THRB: variants seen among roughly 807,000 people sequenced by gnomAD.
The protein encoded by THRB is nuclear receptor subfamily 1 group A member 2.
Under a neutral mutation model 47.8 loss-of-function variants are expected in THRB, and 12 were observed. That is an observed-to-expected ratio of 0.25 (90% CI 0.16 to 0.41). The LOEUF is 0.41. THRB is among the 10% of genes least tolerant of loss of function. THRB has a pLI of 1.00. For missense variants in THRB, 348 were observed against 589.2 expected, an observed-to-expected ratio of 0.59 and a Z score of 4.24; for synonymous variants, 218 against 212.2, an observed-to-expected ratio of 1.03 and a Z score of -0.24.
In THRB at chr3:24,284,670, G is replaced by A. The variant is rs1368775587; in HGVS notation, c.-43+12556C>T. ...ACCTACAGAATGGGAGAAAATTTTTGCAACCTACTCATCTGACAAAGGGCT... is the reference window on the plus strand; with the variant it reads ...ACCTACAGAATGGGAGAAAATTTTTACAACCTACTCATCTGACAAAGGGCT... On this transcript the variant is annotated intron_variant, in intron 3 of 10. Transcript: ENST00000646209. 2.7e-5 allele frequency among the ~76,000 whole-genome samples: 4 copies of A among 149,238 alleles called. 1 individual carries two copies. The highest frequency in any genetic ancestry group is 2.6e-4 in the Admixed American group (4 of 15,178).
intron 1 of THRB, among the ~76,000 whole-genome samples, chr3:24,399,071 C>A (rs1378498506): frequency 6.6e-6 from 1 of 151,564 alleles, no homozygotes; most frequent in Non-Finnish European, 1.5e-5. Flanking sequence ...CACACCGGGG[C>A]CTGTTGTGGG....
At chr3:24,457,814 C>G (rs2073330863) in intron 1 of THRB, among the ~76,000 whole-genome samples, 1 of 152,194 alleles carries the variant, frequency 6.6e-6, no homozygotes. Context: ...CCCTGCACTT[C>G]TCTGAAACAG....
At position 24,414,335 on chromosome 3, in the gene THRB, C is replaced by T. The variant is rs545254588; in HGVS notation, c.-260-76964G>A. ...TCAAATTTACTTGACAAAGTCAATT[C>T]GGCAGAAGCCCAAAGTTAATGGTAA... is the stretch of plus-strand genomic sequence containing the variant. On this transcript the variant is annotated intron_variant, in intron 1 of 10. Coordinates refer to ENST00000646209, the MANE Select transcript of THRB (RefSeq NM_001354712.2). 2.6e-5 allele frequency among the ~76,000 whole-genome samples: 4 copies of T among 151,960 alleles called. No individual in the cohort carries two copies. The South Asian group carries it at 6.2e-4, about 24-fold the overall frequency.
intron 1 of THRB, among the ~76,000 whole-genome samples, chr3:24,340,321 C>A (rs567990794): frequency 6.6e-6 from 1 of 152,098 alleles, no homozygotes; most frequent in African/African-American, 2.4e-5. Flanking sequence ...AATTCCTCCT[C>A]CTTCTCCTTC....
At chr3:24,457,953 G>T (rs992263051) in intron 1 of THRB, 1 of 152,126 alleles carries the variant, frequency 6.6e-6, no homozygotes, top group Admixed American at 6.5e-5. Flanking sequence ...TTAAAGCAGA[G>T]CTTCTCAAAC....
intron 1 of THRB, among the ~76,000 whole-genome samples, chr3:24,467,713 A>G (rs774543336): frequency 6.6e-6 from 1 of 152,234 alleles, no homozygotes; most frequent in Non-Finnish European, 1.5e-5. Context: ...AGCTTAAAAT[A>G]TTCAGCAAAC....
intron 3 of THRB, among the ~76,000 whole-genome samples, chr3:24,242,369 C>T (rs772755976): frequency 5.9e-5 from 9 of 152,258 alleles, no homozygotes; most frequent in South Asian, 4.2e-4. Context: ...GTTCGGCTCA[C>T]GGCTCCAAGC....
intron 3 of THRB, among the ~76,000 whole-genome samples, chr3:24,286,736 C>G (rs2055344414): frequency 6.6e-6 from 1 of 152,140 alleles, no homozygotes; most frequent in Non-Finnish European, 1.5e-5. Flanking sequence ...AATTTTATGT[C>G]AAAGTTTTCT....
intron 3 of THRB, among the ~76,000 whole-genome samples, chr3:24,283,019 T>A (rs1458985095): frequency 2.0e-5 from 3 of 151,638 alleles, no homozygotes; most frequent in Non-Finnish European, 4.4e-5. Flanking sequence ...GAGGAACTGG[T>A]ACCATTCCTT....
At chr3:24,238,287 G>T (rs1317908399) in intron 3 of THRB, among the ~76,000 whole-genome samples, 2 of 121,956 alleles carry the variant, frequency 1.6e-5, no homozygotes, top group Non-Finnish European at 3.8e-5. Flanking sequence ...GTGGGGGGGG[G>T]GGGGGTGTGT....
At chr3:24,304,175 G>A (rs1208205720) in intron 2 of THRB, among the ~76,000 whole-genome samples, 1 of 151,952 alleles carries the variant, frequency 6.6e-6, no homozygotes, top group African/African-American at 2.4e-5. Context: ...ATATTTGAAC[G>A]ACATATTCTA....
At chr3:24,241,675 G>C (rs1392532578) in intron 3 of THRB, among the ~76,000 whole-genome samples, 2 of 152,144 alleles carry the variant, frequency 1.3e-5, no homozygotes, top group African/African-American at 4.8e-5. Context: ...CACCTTTCTA[G>C]TGGACTTCTG....
chr3:24,385,920 T>C (rs1480313009), intron 1 of THRB, among the ~76,000 whole-genome samples: 1 of 152,166 alleles, frequency 6.6e-6, no homozygotes, highest in Non-Finnish European at 1.5e-5. Context: ...TCACAGACCA[T>C]AGCCACAGTG....
Position 24,190,425 on chromosome 3 carries a change from A to G in THRB, c.23-91T>C, listed in dbSNP as rs867755600. On this transcript the variant is annotated intron_variant, in intron 4 of 10. Coordinates refer to ENST00000646209, the MANE Select transcript of THRB (RefSeq NM_001354712.2). ...GTTTTGGAAGGCAAGTTGTTTCTCA[A>G]TTCTTTTGGGCTGACAGTATTCACA... 5 of 1,516,800 alleles carry G rather than the reference A, an allele frequency of 3.3e-6. No homozygotes were observed. In the Middle Eastern group the frequency reaches 5.9e-4, roughly 180 times the overall value. The allele number at this position is 1,516,800 out of a possible 1,614,324, so 94.0% of individuals were successfully genotyped here. A position where few individuals can be genotyped will look rare whatever the true frequency, so the allele number is the denominator to read the frequency against.
At chr3:24,435,158 C>G (rs887195696) in intron 1 of THRB, among the ~76,000 whole-genome samples, 2 of 152,064 alleles carry the variant, frequency 1.3e-5, no homozygotes, top group Non-Finnish European at 2.9e-5. Context: ...TCCAGCTTGG[C>G]TGATTAGGTG....
chr3:24,300,528 T>C (rs1353537454), intron 2 of THRB, among the ~76,000 whole-genome samples: 1 of 152,208 alleles, frequency 6.6e-6, no homozygotes, highest in Non-Finnish European at 1.5e-5. Flanking sequence ...GAATCTTGCA[T>C]ATCAATGCTT....
intron 4 of THRB, among the ~76,000 whole-genome samples, chr3:24,207,178 C>T (rs1367617493): frequency 1.3e-5 from 2 of 152,122 alleles, no homozygotes; most frequent in African/African-American, 4.8e-5. Context: ...CAAAGCCTGG[C>T]CGAGACACAA....
rs150408024 is a variant in THRB at position 24,470,195 on chromosome 3, A to G, written c.-261+24457T>C. 2.0e-5 allele frequency among the ~76,000 whole-genome samples: 3 copies of G among 152,342 alleles called. No individual in the cohort carries two copies. The East Asian group carries it at 5.8e-4, about 29-fold the overall frequency. On this transcript the variant is annotated intron_variant, in intron 1 of 10. Coordinates refer to ENST00000646209, the MANE Select transcript of THRB (RefSeq NM_001354712.2). ...GAACTCTAAACACCAGACGCTAGATAGGCACATTACGAATACTCTCTTTGA... is the reference window on the plus strand; with the variant it reads ...GAACTCTAAACACCAGACGCTAGATGGGCACATTACGAATACTCTCTTTGA...
chr3:24,223,964 T>G (rs1392449687), intron 4 of THRB, among the ~76,000 whole-genome samples: 3 of 152,160 alleles, frequency 2.0e-5, no homozygotes, highest in African/African-American at 7.2e-5. Flanking sequence ...GATACAATTT[T>G]GCCTAATAAA....
Sources: gnomAD v4.1 joint callset for allele counts (sites outside exome capture counted in the v4.1 genomes callset) on GRCh38, gnomAD v4.1.1 for gene constraint, MANE v1.5 for transcripts, NCBI Gene and HGNC (gene_info 2026-07-23, HGNC 2026-07-21) for gene names.